DCC: variants seen among roughly 807,000 people sequenced by gnomAD.
DCC encodes the protein DCC netrin 1 receptor.
In DCC, 58 loss-of-function variants were observed where a neutral mutation model predicts 172.5. That is an observed-to-expected ratio of 0.34 (90% CI 0.27 to 0.42). The LOEUF (loss-of-function observed/expected upper bound fraction) is 0.42. DCC is among the 10% of genes least tolerant of loss of function. DCC has a pLI of 1.00. For missense variants in DCC, 1,740 were observed against 1,791.0 expected, an observed-to-expected ratio of 0.97 and a Z score of 0.51; for synonymous variants, 709 against 644.5, an observed-to-expected ratio of 1.10 and a Z score of -1.52.
At chr18:53,527,461 T>G (rs549646749) in intron 28 of DCC, among the ~76,000 whole-genome samples, 1 of 151,868 alleles carries the variant, frequency 6.6e-6, no homozygotes, top group African/African-American at 2.4e-5. Context: ...TTATTATATA[T>G]GTTACTTCTG....
intron 5 of DCC, among the ~76,000 whole-genome samples, chr18:52,975,806 C>T (rs2041107980): frequency 6.6e-6 from 1 of 152,246 alleles, no homozygotes; most frequent in East Asian, 1.9e-4. Flanking sequence ...ATGAATAGTG[C>T]TGCAATAAAC....
rs143432385 is a variant in DCC at position 53,493,252 on chromosome 18, C to A, written c.3899-6046C>A. 1.4e-4 allele frequency among the ~76,000 whole-genome samples: 22 copies of A among 152,284 alleles called. No individual in the cohort carries two copies. The East Asian group carries it at 4.1e-3, about 28-fold the overall frequency. On this transcript the variant is annotated intron_variant, in intron 26 of 28. Transcript: ENST00000442544. ...GAGATGATGGGGTTTTCTAAATATA[C>A]AATCATGTCTTCTGCAAACAGAGAC...
chr18:53,067,606 G>A (rs1474171404), intron 7 of DCC, among the ~76,000 whole-genome samples: 1 of 152,058 alleles, frequency 6.6e-6, no homozygotes, highest in African/African-American at 2.4e-5. Context: ...TTTCTTGGGA[G>A]GAGAGACAAA....
At chr18:52,970,634 AATTTAACCTTCC>A (rs1380535582) in intron 5 of DCC, among the ~76,000 whole-genome samples, 1 of 152,212 alleles carries the variant, frequency 6.6e-6, no homozygotes, top group East Asian at 1.9e-4. Flanking sequence ...TGGGAAATTT[AATTTAACCTTCC>A]AGATAATGTG....
chr18:52,991,272 G>A (rs886865730), intron 5 of DCC, among the ~76,000 whole-genome samples: 1 of 151,892 alleles, frequency 6.6e-6, no homozygotes. Flanking sequence ...ATCTTTTTTT[G>A]TTTTAAGTAA....
chr18:52,670,004 T>G (rs768400352), intron 1 of DCC, among the ~76,000 whole-genome samples: 3 of 152,108 alleles, frequency 2.0e-5, no homozygotes, highest in Non-Finnish European at 4.4e-5. Flanking sequence ...CCTACCCAAA[T>G]GCCTATGGGA....
At chr18:52,925,162 T>C (rs2040181903) in intron 4 of DCC, 72 bp from the exon 5 acceptor site, 6 of 1,457,068 alleles carry the variant, frequency 4.1e-6, no homozygotes, top group Admixed American at 3.4e-5. Flanking sequence ...GTGGAGGTCA[T>C]TTAAAGCTCT....
intron 24 of DCC, among the ~76,000 whole-genome samples, chr18:53,461,195 G>A (rs1009158814): frequency 1.1e-4 from 17 of 152,036 alleles, no homozygotes; most frequent in African/African-American, 3.9e-4. Context: ...TTTGTCAGAT[G>A]AGTAGGTTGC....
At chr18:53,362,876 T>A (rs545126906) in intron 15 of DCC, among the ~76,000 whole-genome samples, 95 of 152,146 alleles carry the variant, frequency 6.2e-4, no homozygotes, top group Admixed American at 1.7e-3. Flanking sequence ...ACATGCATTA[T>A]GAACAATGGA....
intron 5 of DCC, among the ~76,000 whole-genome samples, chr18:53,047,252 A>T (rs578056533): frequency 4.4e-5 from 2 of 45,886 alleles, no homozygotes; most frequent in African/African-American, 2.4e-4. Flanking sequence ...ATATATATAT[A>T]TATATATATA....
chr18:53,247,618 T>C (rs2056380783), intron 12 of DCC, among the ~76,000 whole-genome samples: 1 of 152,048 alleles, frequency 6.6e-6, no homozygotes, highest in Admixed American at 6.6e-5. Context: ...AAGATGTAGA[T>C]TGATTTAATG....
At chr18:52,487,527 T>G (rs942185111) in intron 1 of DCC, among the ~76,000 whole-genome samples, 1 of 152,024 alleles carries the variant, frequency 6.6e-6, no homozygotes, top group Non-Finnish European at 1.5e-5. Flanking sequence ...TTAGAGGAAG[T>G]AGACCGGGCA....
chr18:53,430,093 A>G (rs550821821), intron 21 of DCC, among the ~76,000 whole-genome samples: 1 of 152,244 alleles, frequency 6.6e-6, no homozygotes, highest in African/African-American at 2.4e-5. Flanking sequence ...AATTATATTC[A>G]GGTAATATTA....
intron 1 of DCC, among the ~76,000 whole-genome samples, chr18:52,508,729 TA>T (rs2031324331): frequency 6.6e-6 from 1 of 152,240 alleles, no homozygotes; most frequent in Non-Finnish European, 1.5e-5. Context: ...AATTTCTTCT[TA>T]AAGTTTGAGA....
intron 7 of DCC, among the ~76,000 whole-genome samples, chr18:53,088,413 T>C (rs1412024891): frequency 6.6e-6 from 1 of 152,180 alleles, no homozygotes; most frequent in Non-Finnish European, 1.5e-5. Flanking sequence ...TTGTCTATTA[T>C]TGGTGTATAA....
rs1038373280 is a variant in DCC at position 53,205,377 on chromosome 18, A to G, written c.1722+13A>G. Reference sequence around the variant, plus strand: ...AGGAAAAGAACAGGTAGGTGAAGGAATGGACCACACTGCTTCCATCTGTTG... The same window carrying G: ...AGGAAAAGAACAGGTAGGTGAAGGAGTGGACCACACTGCTTCCATCTGTTG... On this transcript the variant is annotated intron_variant, in intron 10 of 28. Transcript: ENST00000442544. The G allele has an allele frequency of 6.2e-7, 1 of 1,612,818 alleles. No individual in the cohort carries two copies. Among genetic ancestry groups the G allele is most frequent in the African/African-American group, 1.3e-5 (1 of 74,872 alleles).
intron 1 of DCC, among the ~76,000 whole-genome samples, chr18:52,527,323 A>G (rs998739917): frequency 3.3e-5 from 5 of 152,194 alleles, no homozygotes; most frequent in Non-Finnish European, 7.3e-5. Flanking sequence ...CTTTTTTGAA[A>G]CAAAGAGATG....
Position 52,752,091 on chromosome 18 carries a change from C to T in DCC, c.129C>T (p.Leu43=), listed in dbSNP as rs200975371. ...QIKAFTALRF[L]SEPSDAVTMR... is the part of the protein sequence containing the mutation. ...AAGCTTTCACAGCACTGCGCTTCCT[C>T]TCAGAACCTTCTGATGCCGTCACAA... Residue 43 remains leucine (L), a synonymous_variant, in exon 2 of 29, where the codon CTC becomes CTT. Transcript: ENST00000442544. The T allele has an allele frequency of 1.9e-6, 3 of 1,614,170 alleles. No homozygotes were observed. The highest frequency in any genetic ancestry group is 2.7e-5 in the African/African-American group (2 of 75,046).
intron 15 of DCC, among the ~76,000 whole-genome samples, chr18:53,366,373 A>G (rs2058005173): frequency 6.6e-6 from 1 of 151,954 alleles, no homozygotes; most frequent in Non-Finnish European, 1.5e-5. Context: ...TCATTTTTTT[A>G]CCTTTAAATT....
Sources: allele counts gnomAD v4.1 joint callset (sites outside exome capture counted in the v4.1 genomes callset), GRCh38; gene constraint gnomAD v4.1.1; transcripts MANE v1.5; gene names NCBI Gene and HGNC (gene_info 2026-07-23, HGNC 2026-07-21).